The following ADCY2 variants were observed in gnomAD, a reference collection of about 807,000 sequenced individuals.
The protein encoded by ADCY2 is adenylate cyclase type 2.
In ADCY2, 31 loss-of-function variants were observed where a neutral mutation model predicts 125.2. The observed-to-expected ratio is 0.25, with a 90% CI of 0.19 to 0.33. The LOEUF (loss-of-function observed/expected upper bound fraction) is 0.33. Ranked by LOEUF, ADCY2 falls within the 10% of genes least tolerant of loss-of-function variation. ADCY2 has a pLI of 1.00. For synonymous variants in ADCY2, 512 were observed against 548.4 expected (o/e 0.93, Z 0.93); for missense variants, 904 against 1,418.2 (o/e 0.64, Z 5.82).
At chr5:7,560,642 T>G (rs1292331103) in intron 3 of ADCY2, among the ~76,000 whole-genome samples, 2 of 152,182 alleles carry the variant, frequency 1.3e-5, no homozygotes, top group African/African-American at 4.8e-5. Flanking sequence ...TGTTCACATA[T>G]GTTTCTTATG....
intron 21 of ADCY2, among the ~76,000 whole-genome samples, chr5:7,803,578 G>T (rs75256087): frequency 1.3e-5 from 2 of 152,142 alleles, no homozygotes. Context: ...CAAGTGGGAC[G>T]CTGATAACTA....
chr5:7,712,812 T>C, intron 10 of ADCY2, 44 bp from the exon 11 acceptor site: 1 of 1,366,790 alleles, frequency 7.3e-7, no homozygotes, highest in Non-Finnish European at 1.0e-6. Flanking sequence ...AACATTCTTC[T>C]TGAAACATGT....
rs778881834 is a variant in ADCY2 at position 7,396,370 on chromosome 5, G to A, written c.74G>A (p.Gly25Glu). The change falls in exon 1 of 25, where the codon GGG becomes GAG. Residue 25 changes from glycine (G) to glutamate (E), a missense_variant. Physicochemically the swap from Gly to Glu is moderately conservative, Grantham distance 98. This residue lies in a region of ADCY2 where 113 missense variants were observed against 108.0 expected (regional missense o/e 1.05). Transcript: ENST00000338316. This position sits in a 1 kb window ranked among gnomAD's most constrained non-coding sequence, Gnocchi z 5.7. Reference protein sequence around the residue: ...RSEEAAGGGDGLPRSRDWLYE... With the variant: ...RSEEAAGGGDELPRSRDWLYE... ...GAGGAGGCGGCGGGCGGCGGAGACG[G>A]GCTGCCGCGGTCCCGGGACTGGCTC... 6.4e-7 allele frequency: 1 copy of A among 1,556,270 alleles called. No individual in the cohort carries two copies. Among genetic ancestry groups the A allele is most frequent in the Non-Finnish European group, 8.7e-7 (1 of 1,152,628 alleles).
intron 23 of ADCY2, among the ~76,000 whole-genome samples, chr5:7,818,177 A>C (rs1745178381): frequency 2.0e-5 from 3 of 152,134 alleles, no homozygotes; most frequent in Non-Finnish European, 4.4e-5. Flanking sequence ...CTTACATACA[A>C]ATTTCAACTT....
intron 2 of ADCY2, among the ~76,000 whole-genome samples, chr5:7,512,237 A>AAAAAAAAAAAAAAAAAAAAAAAAAC (rs1321529228): frequency 1.3e-5 from 2 of 149,696 alleles, no homozygotes; most frequent in African/African-American, 5.0e-5. Context: ...AAAAAAAAAA[A>AAAAAAAAAAAAAAAAAAAAAAAAAC]AAAGAAAACC....
At chr5:7,413,450 C>A (rs1356152662) in intron 1 of ADCY2, among the ~76,000 whole-genome samples, 1 of 150,196 alleles carries the variant, frequency 6.7e-6, no homozygotes, top group Admixed American at 6.6e-5. Context: ...CCTGCCACCA[C>A]GCGCGGCTAA....
At chr5:7,523,470 A>G (rs1349812710) in intron 3 of ADCY2, among the ~76,000 whole-genome samples, 1 of 152,220 alleles carries the variant, frequency 6.6e-6, no homozygotes, top group Non-Finnish European at 1.5e-5. Flanking sequence ...ACTCCATAGT[A>G]TTTTATAAAG....
chr5:7,614,278 T>C (rs1022796789), intron 3 of ADCY2, among the ~76,000 whole-genome samples: 2 of 152,152 alleles, frequency 1.3e-5, no homozygotes, highest in African/African-American at 2.4e-5. Flanking sequence ...CTCCTACGAC[T>C]AAGAACCTCC....
At chr5:7,657,595 C>T (rs1739382273) in intron 4 of ADCY2, among the ~76,000 whole-genome samples, 1 of 152,184 alleles carries the variant, frequency 6.6e-6, no homozygotes, top group Admixed American at 6.5e-5. Context: ...CATGCCAGGA[C>T]ACATTTTTAA....
chr5:7,557,024 G>T (rs1349536172), intron 3 of ADCY2, among the ~76,000 whole-genome samples: 1 of 151,860 alleles, frequency 6.6e-6, no homozygotes, highest in Non-Finnish European at 1.5e-5. Context: ...TTTTATTTGT[G>T]CAAAGATGCC....
chr5:7,644,160 T>G (rs1738809225), intron 4 of ADCY2, among the ~76,000 whole-genome samples: 1 of 152,140 alleles, frequency 6.6e-6, no homozygotes, highest in African/African-American at 2.4e-5. Flanking sequence ...TAGTTACTTT[T>G]CTTTTTTGTC....
At chr5:7,585,831 T>TTAC (rs1385198402) in intron 3 of ADCY2, among the ~76,000 whole-genome samples, 1 of 152,224 alleles carries the variant, frequency 6.6e-6, no homozygotes, top group African/African-American at 2.4e-5. Context: ...TTAGGTGTTC[T>TTAC]TACCACCACC....
chr5:7,805,081 C>T (rs539483595), intron 22 of ADCY2, among the ~76,000 whole-genome samples: 3 of 151,796 alleles, frequency 2.0e-5, no homozygotes, highest in Middle Eastern at 3.4e-3. Flanking sequence ...TTTGGGAGGC[C>T]GAGGTGGGTG....
intron 4 of ADCY2, among the ~76,000 whole-genome samples, chr5:7,659,287 A>C (rs1157594315): frequency 6.6e-6 from 1 of 152,242 alleles, no homozygotes; most frequent in African/African-American, 2.4e-5. Flanking sequence ...AATTACATAC[A>C]TCTCTCCAAT....
At chr5:7,784,558 T>A in intron 19 of ADCY2, 109 bp downstream of exon 19, 1 of 757,890 alleles carries the variant, frequency 1.3e-6, no homozygotes, top group Non-Finnish European at 2.1e-6. Context: ...CGTCTAAGAA[T>A]TAGAATCATC....
At chr5:7,748,035 C>T (rs147976843) in intron 15 of ADCY2, among the ~76,000 whole-genome samples, 38 of 152,284 alleles carry the variant, frequency 2.5e-4, no homozygotes, top group African/African-American at 6.3e-4. Context: ...TGGCGGGTTC[C>T]CAGCCTCTGC....
chr5:7,480,958 T>C (rs1416680393), intron 2 of ADCY2, among the ~76,000 whole-genome samples: 3 of 152,286 alleles, frequency 2.0e-5, no homozygotes, highest in African/African-American at 4.8e-5. Context: ...AATGCAGATA[T>C]CTCTTTGGCA....
intron 13 of ADCY2, among the ~76,000 whole-genome samples, chr5:7,725,351 G>A (rs1036635207): frequency 3.3e-5 from 5 of 152,044 alleles, no homozygotes; most frequent in African/African-American, 7.2e-5. Flanking sequence ...GGTAGCATTC[G>A]CAGCTCTGGT....
intron 2 of ADCY2, among the ~76,000 whole-genome samples, chr5:7,504,839 T>A (rs1409415502): frequency 1.3e-5 from 2 of 151,702 alleles, no homozygotes; most frequent in African/African-American, 2.4e-5. Flanking sequence ...TATTATTATT[T>A]TTTAAAGTAT....
Sources: allele counts gnomAD v4.1 joint callset (sites outside exome capture counted in the v4.1 genomes callset), GRCh38; gene constraint gnomAD v4.1.1; regional missense constraint gnomAD v4.1.1; non-coding constraint Gnocchi (gnomAD v3.1); transcripts MANE v1.5; gene names NCBI Gene and HGNC (gene_info 2026-07-23, HGNC 2026-07-21).